PAK4: variants seen among roughly 807,000 people sequenced by gnomAD.
PAK4 encodes the protein p21 (RAC1) activated kinase 4, also known as serine/threonine-protein kinase PAK 4.
A neutral mutation model predicts 53.5 loss-of-function variants in PAK4; 49 were observed. That is an observed-to-expected ratio of 0.92 (90% CI 0.73 to 1.16). The LOEUF (loss-of-function observed/expected upper bound fraction) is 1.16. PAK4 is among the 50% of genes most tolerant of loss of function. The pLI is 0.00. For synonymous variants in PAK4, 376 were observed against 375.6 expected (o/e 1.00, Z -0.01); for missense variants, 824 against 850.7 (o/e 0.97, Z 0.39).
intron 1 of PAK4, among the ~76,000 whole-genome samples, chr19:39,155,593 C>T (rs1227971041): frequency 6.6e-6 from 1 of 152,154 alleles, no homozygotes; most frequent in African/African-American, 2.4e-5. Context: ...CTGCCTCGGG[C>T]CAGCCTTTGC....
At position 39,167,240 on chromosome 19, in the gene PAK4, G is replaced by A. The variant is rs560220157; in HGVS notation, c.-22-2292G>A. On this transcript the variant is annotated intron_variant, in intron 1 of 8. Coordinates refer to ENST00000358301, the Ensembl canonical transcript of PAK4. ...CAGTGGGGAGGGAGCGGGATGGGGC[G>A]GGGCGACAGGTTCACGATGAAGAGG... Among the ~76,000 whole-genome samples the A allele has an allele frequency of 5.9e-5, 9 of 152,356 alleles. No homozygotes were observed. The East Asian group carries it at 1.2e-3, about 20-fold the overall frequency.
intron 1 of PAK4, among the ~76,000 whole-genome samples, chr19:39,133,989 C>T (rs1006177567): frequency 3.9e-5 from 6 of 152,102 alleles, no homozygotes; most frequent in African/African-American, 7.2e-5. Context: ...TCCACAGACC[C>T]GTCCCCAGGT....
At chr19:39,171,607 C>G (rs1002356424) in intron 2 of PAK4, among the ~76,000 whole-genome samples, 1 of 152,246 alleles carries the variant, frequency 6.6e-6, no homozygotes, top group Admixed American at 6.5e-5. Context: ...CCAGGAGAGA[C>G]AGGGCAGCGG....
chr19:39,137,545 A>G (rs2073837938), intron 1 of PAK4, among the ~76,000 whole-genome samples: 1 of 152,180 alleles, frequency 6.6e-6, no homozygotes, highest in East Asian at 1.9e-4. Flanking sequence ...TTTGCAAACT[A>G]GAGTAGATCT....
intron 6 of PAK4, 56 bp from the exon 8 acceptor site, chr19:39,176,534 G>A: frequency 6.2e-7 from 1 of 1,610,542 alleles, no homozygotes; most frequent in South Asian, 1.1e-5. Context: ...AGACGCCCCT[G>A]CTCGCCCTCC....
At chr19:39,169,898 C>T (rs1187274662) in intron 2 of PAK4, 141 bp downstream of exon 3, 3 of 674,464 alleles carry the variant, frequency 4.4e-6, no homozygotes, top group Non-Finnish European at 2.5e-6. Flanking sequence ...CCACCCCTAT[C>T]CTGGGTCCAG....
intron 8 of PAK4, 25 bp downstream of exon 9, chr19:39,177,834 C>T: frequency 6.3e-7 from 1 of 1,593,054 alleles, no homozygotes; most frequent in South Asian, 1.1e-5. Flanking sequence ...GGCTGGGAAA[C>T]TGTGCGCCAG....
intron 1 of PAK4, among the ~76,000 whole-genome samples, chr19:39,166,584 C>G (rs1220893120): frequency 6.6e-6 from 1 of 152,206 alleles, no homozygotes; most frequent in Non-Finnish European, 1.5e-5. Context: ...AGCTCCAGTT[C>G]ACAGACACAG....
At chr19:39,170,473 A>G (rs1344020602) in intron 2 of PAK4, among the ~76,000 whole-genome samples, 1 of 152,108 alleles carries the variant, frequency 6.6e-6, no homozygotes, top group African/African-American at 2.4e-5. Flanking sequence ...GTGAAATCAT[A>G]AGAGTTGTGG....
rs1174707135 is a variant in PAK4, at chr19:39,161,366, G to A, written c.-22-8166G>A. Among the ~76,000 whole-genome samples, 1 of 152,184 alleles carries A rather than the reference G, an allele frequency of 6.6e-6. No individual in the cohort carries two copies. The highest frequency in any genetic ancestry group is 1.5e-5 in the Non-Finnish European group (1 of 68,016). On this transcript the variant is annotated intron_variant, in intron 1 of 8. Transcript: ENST00000358301. This position sits in a 1 kb window ranked among gnomAD's most constrained non-coding sequence, Gnocchi z 4.5. ...TGCGCCAGGCTCCGCGCCAGGTGCT[G>A]GGGGTGCCACATGGAGCAAGACCAG...
intron 1 of PAK4, among the ~76,000 whole-genome samples, chr19:39,151,265 A>T (rs1032227902): frequency 3.9e-5 from 6 of 152,232 alleles, no homozygotes; most frequent in African/African-American, 1.4e-4. Flanking sequence ...ATAAATATGA[A>T]AAATGCTCAA....
intron 1 of PAK4, among the ~76,000 whole-genome samples, chr19:39,155,783 T>G (rs913380854): frequency 6.6e-6 from 1 of 152,060 alleles, no homozygotes; most frequent in African/African-American, 2.4e-5. Flanking sequence ...GGGCATCAAG[T>G]CACTCCGCCT....
At chr19:39,143,266 C>T (rs184216652) in intron 1 of PAK4, among the ~76,000 whole-genome samples, 5 of 139,680 alleles carry the variant, frequency 3.6e-5, no homozygotes, top group East Asian at 2.2e-4. Flanking sequence ...ATTAAGGAGT[C>T]GTTGCTCACT....
intron 1 of PAK4, among the ~76,000 whole-genome samples, chr19:39,142,189 G>A (rs2073921886): frequency 6.6e-6 from 1 of 152,154 alleles, no homozygotes; most frequent in East Asian, 1.9e-4. Context: ...TTTTCTACAG[G>A]CGACCTAGGC....
At chr19:39,147,841 G>GTTTT (rs35845376) in intron 1 of PAK4, among the ~76,000 whole-genome samples, 11 of 13,228 alleles carry the variant, frequency 8.3e-4, no homozygotes, top group African/African-American at 2.1e-3. Flanking sequence ...TTGTTTTCGG[G>GTTTT]TTTTTTTTTT....
chr19:39,177,747 C>G (rs1443199086), exon 8 of PAK4: 2 of 1,613,564 alleles, frequency 1.2e-6, no homozygotes, highest in African/African-American at 2.7e-5. Context: ...CAACGAGCCA[C>G]CCCTCAAAGC....
intron 1 of PAK4, among the ~76,000 whole-genome samples, chr19:39,141,274 C>G (rs1457781745): frequency 6.6e-6 from 1 of 152,026 alleles, no homozygotes; most frequent in Non-Finnish European, 1.5e-5. Context: ...TTTTCCAGAA[C>G]AAGCCTGCCT....
chr19:39,142,390 C>T (rs771585388), intron 1 of PAK4, among the ~76,000 whole-genome samples: 1 of 152,210 alleles, frequency 6.6e-6, no homozygotes, highest in South Asian at 2.1e-4. Context: ...GAATTACTTA[C>T]ATGTCTGTAT....
At chr19:39,148,795 T>G (rs189185975) in intron 1 of PAK4, among the ~76,000 whole-genome samples, 219 of 152,212 alleles carry the variant, frequency 1.4e-3, no homozygotes, top group African/African-American at 5.0e-3. Flanking sequence ...GTTTTACATT[T>G]AAGTCTGTGA....
Sources: gnomAD v4.1 joint callset for allele counts (sites outside exome capture counted in the v4.1 genomes callset) on GRCh38, gnomAD v4.1.1 for gene constraint, Gnocchi (gnomAD v3.1) non-coding constraint, MANE v1.5 for transcripts, NCBI Gene and HGNC (gene_info 2026-07-23, HGNC 2026-07-21) for gene names.